The following DEFB124 variants were observed in gnomAD, a reference collection of about 807,000 sequenced individuals.
The protein encoded by DEFB124 is defensin beta 124.
For missense variants in DEFB124, 78 were observed against 83.1 expected, an observed-to-expected ratio of 0.94 and a Z score of 0.24; for synonymous variants, 38 against 36.5, an observed-to-expected ratio of 1.04 and a Z score of -0.15.
At chr20:31,470,374 CG>C (rs1261391645) in intron 2 of DEFB124, among the ~76,000 whole-genome samples, 3 of 142,002 alleles carry the variant, frequency 2.1e-5, no homozygotes, top group Non-Finnish European at 3.1e-5. Flanking sequence ...GCTGGCCGGG[CG>C]GGGGGCTGAC....
intron 2 of DEFB124, among the ~76,000 whole-genome samples, chr20:31,466,635 G>A (rs971193083): frequency 3.5e-5 from 3 of 84,876 alleles, no homozygotes; most frequent in Non-Finnish European, 6.4e-5. Context: ...AACCTTATCC[G>A]AGGTCATACC....
rs892054200 is a variant in DEFB124 at position 31,474,635 on chromosome 20, AT to A, written c.-35del. Among the ~76,000 whole-genome samples the A allele has an allele frequency of 3.5e-4, 52 of 148,764 alleles. No homozygotes were observed. The highest frequency in any genetic ancestry group is 5.4e-4 in the Non-Finnish European group (36 of 67,092). On this transcript the variant is annotated 5_prime_UTR_variant, in exon 1 of 3. In the 5' UTR this introduces an upstream ATG that the reference lacks. Coordinates refer to ENST00000317676, the MANE Select transcript of DEFB124 (RefSeq NM_001037500.2). ...TTCCTCCTCCTCCATACCTGGGAGCATTTTTTTTTTCAGCCATCAGTAATAG... is the reference window on the plus strand; with the variant it reads ...TTCCTCCTCCTCCATACCTGGGAGCATTTTTTTTTCAGCCATCAGTAATAG...
At chr20:31,471,476 C>A (rs906865548) in intron 2 of DEFB124, among the ~76,000 whole-genome samples, 2 of 138,668 alleles carry the variant, frequency 1.4e-5, no homozygotes, top group Non-Finnish European at 3.1e-5. Context: ...CCCCCACCTC[C>A]CTCCCGGACG....
At chr20:31,465,977 C>G (rs779106719) in intron 2 of DEFB124, among the ~76,000 whole-genome samples, 1 of 151,750 alleles carries the variant, frequency 6.6e-6, no homozygotes, top group Non-Finnish European at 1.5e-5. Context: ...GCCAACATGA[C>G]AAAACCCTTT....
rs962432413 is a variant in DEFB124, at chr20:31,474,825, A to C, written c.-224T>G. On this transcript the variant is annotated 5_prime_UTR_variant, in exon 1 of 3. Coordinates refer to ENST00000317676, the MANE Select transcript of DEFB124 (RefSeq NM_001037500.2). ...CTCCCAAAATTAATTCTTCATCCAG[A>C]GCAGAGTTTCTTAAAGTGAGGTCAG... Among the ~76,000 whole-genome samples the C allele has an allele frequency of 1.3e-5, 2 of 152,134 alleles. No homozygotes were observed. Among genetic ancestry groups the C allele is most frequent in the African/African-American group, 2.4e-5 (1 of 41,430 alleles).
At chr20:31,470,575 C>A (rs570899177) in intron 2 of DEFB124, among the ~76,000 whole-genome samples, 1 of 134,472 alleles carries the variant, frequency 7.4e-6, no homozygotes, top group East Asian at 2.4e-4. Context: ...ACCTCCATCC[C>A]GGACGGGGCG....
In DEFB124 at chr20:31,472,979, A is replaced by C; in HGVS notation, c.35T>G (p.Leu12Arg). The C allele has an allele frequency of 6.2e-7, 1 of 1,614,084 alleles. No individual in the cohort carries two copies. Among genetic ancestry groups the C allele is most frequent in the Non-Finnish European group, 8.5e-7 (1 of 1,180,012 alleles). The change falls in exon 2 of 3, where the codon CTG becomes CGG. Residue 12 changes from leucine (L) to arginine (R), a missense_variant. Leu to Arg is a moderately radical substitution (Grantham distance 102). Coordinates refer to ENST00000317676, the MANE Select transcript of DEFB124 (RefSeq NM_001037500.2). ...TQLLLFLVAL[L>R]VLGHVPSGRS... is the part of the protein sequence containing the mutation. ...ACCTGATGGCACATGACCCAGAACC[A>C]GGAGAGCCACAAGGAACAGAAGCAG... is the stretch of plus-strand genomic sequence containing the variant.
intron 2 of DEFB124, among the ~76,000 whole-genome samples, chr20:31,471,681 T>G (rs1413006112): frequency 8.2e-6 from 1 of 121,344 alleles, no homozygotes; most frequent in African/African-American, 3.4e-5. Context: ...TCCTCACTTC[T>G]CAGACGGGGC....
At position 31,471,495 on chromosome 20, in the gene DEFB124, ACCC is replaced by A. The variant is rs1158674399; in HGVS notation, c.58+1458_58+1460del. On this transcript the variant is annotated intron_variant, in intron 2 of 2. Coordinates refer to ENST00000317676, the MANE Select transcript of DEFB124 (RefSeq NM_001037500.2). ...CACCTCCCTCCCGGACGGGGGGCTG[ACCC>A]CCCCACCTCCCTCCCGGACGGGGCG... Among the ~76,000 whole-genome samples, 51 of 80,154 alleles carry A rather than the reference ACCC, an allele frequency of 6.4e-4. 2 individuals carry two copies. The highest frequency in any genetic ancestry group is 2.2e-3 in the African/African-American group (44 of 19,622). 52.6% of individuals were successfully genotyped at this position (80,154 alleles called of 152,430 possible). A position where few individuals can be genotyped will look rare whatever the true frequency, so the allele number is the denominator to read the frequency against.
intron 2 of DEFB124, among the ~76,000 whole-genome samples, chr20:31,470,825 C>CG: frequency 7.4e-6 from 1 of 134,288 alleles, no homozygotes; most frequent in Admixed American, 7.3e-5. Context: ...GCTGGCCGGG[C>CG]GGGGTGCTGA....
intron 2 of DEFB124, among the ~76,000 whole-genome samples, chr20:31,465,908 G>A (rs1298323594): frequency 2.0e-5 from 3 of 152,236 alleles, no homozygotes; most frequent in South Asian, 4.1e-4. Flanking sequence ...TGTAATCCCA[G>A]CACTTTGGGA....
chr20:31,466,567 T>A (rs1980087345), intron 2 of DEFB124, among the ~76,000 whole-genome samples: 1 of 141,006 alleles, frequency 7.1e-6, no homozygotes, highest in African/African-American at 2.9e-5. Context: ...GCCACTGCAC[T>A]GCAGCCTTGG....
chr20:31,471,289 G>A (rs1173698544), intron 2 of DEFB124, among the ~76,000 whole-genome samples: 1 of 128,716 alleles, frequency 7.8e-6, no homozygotes, highest in Non-Finnish European at 1.7e-5. Flanking sequence ...CCTCCCGGAC[G>A]GGGCGGCTGG....
intron 2 of DEFB124, 74 bp downstream of exon 2, chr20:31,472,882 G>A: frequency 6.5e-7 from 1 of 1,545,132 alleles, no homozygotes. Context: ...TCCAGGACCT[G>A]AGAGTCTAGT....
chr20:31,471,427 C>T (rs1980298914), intron 2 of DEFB124, among the ~76,000 whole-genome samples: 1 of 133,436 alleles, frequency 7.5e-6, no homozygotes, highest in East Asian at 2.3e-4. Context: ...CCCCACCTCC[C>T]TCCCGGACGG....
At chr20:31,472,877 G>T in intron 2 of DEFB124, 79 bp downstream of exon 2, 1 of 1,529,052 alleles carries the variant, frequency 6.5e-7, no homozygotes, top group Middle Eastern at 1.8e-4. Flanking sequence ...TGTCCTCCAG[G>T]ACCTGAGAGT....
At chr20:31,473,072 G>C in intron 1 of DEFB124, 34 bp from the exon 2 acceptor site, 1 of 1,578,564 alleles carries the variant, frequency 6.3e-7, no homozygotes, top group Non-Finnish European at 8.7e-7. Context: ...ACCCGAGCAG[G>C]CTGAGCCTCG....
In DEFB124 at chr20:31,472,981, G is replaced by A. The variant is rs1568759238; in HGVS notation, c.33C>T (p.Leu11=). ...CTGATGGCACATGACCCAGAACCAG[G>A]AGAGCCACAAGGAACAGAAGCAGCT... is the stretch of plus-strand genomic sequence containing the variant. MTQLLLFLVA[L]LVLGHVPSGR... The change falls in exon 2 of 3, where the codon CTC becomes CTT. Residue 11 remains leucine (L), a synonymous_variant. Coordinates refer to ENST00000317676, the MANE Select transcript of DEFB124 (RefSeq NM_001037500.2). 6.2e-7 allele frequency: 1 copy of A among 1,614,042 alleles called. No homozygotes were observed. The highest frequency in any genetic ancestry group is 2.2e-5 in the East Asian group (1 of 44,884).
chr20:31,472,809 T>C, intron 2 of DEFB124, 147 bp downstream of exon 2: 4 of 933,596 alleles, frequency 4.3e-6, no homozygotes, highest in Non-Finnish European at 6.0e-6. Flanking sequence ...CAACTTGCTC[T>C]AAGTTGCCCA....
Sources: gnomAD v4.1 joint callset for allele counts (sites outside exome capture counted in the v4.1 genomes callset) on GRCh38, gnomAD v4.1.1 for gene constraint, MANE v1.5 for transcripts, NCBI Gene and HGNC (gene_info 2026-07-23, HGNC 2026-07-21) for gene names.